The following TMEM117 variants were observed in gnomAD, a reference collection of about 807,000 sequenced individuals.
The protein encoded by TMEM117 is transmembrane protein 117.
Under a neutral mutation model 52.4 loss-of-function variants are expected in TMEM117, and 27 were observed. The observed-to-expected ratio is 0.51, with a 90% CI of 0.38 to 0.71. TMEM117 has a LOEUF of 0.71. Ranked by LOEUF, TMEM117 falls within the 30% of genes least tolerant of loss-of-function variation. TMEM117 has a pLI of 0.00. For missense variants in TMEM117, 556 were observed against 630.5 expected, an observed-to-expected ratio of 0.88 and a Z score of 1.26; for synonymous variants, 215 against 206.3, an observed-to-expected ratio of 1.04 and a Z score of -0.36.
intron 6 of TMEM117, among the ~76,000 whole-genome samples, chr12:44,347,646 G>A (rs55986964): frequency 0.052 from 7,922 of 152,024 alleles, 671 homozygotes; most frequent in African/African-American, 0.18. Context: ...CAGTGCAGCT[G>A]TCCCTTCTCT....
At chr12:44,096,618 A>G (rs1279538489) in intron 3 of TMEM117, among the ~76,000 whole-genome samples, 5 of 151,590 alleles carry the variant, frequency 3.3e-5, no homozygotes, top group African/African-American at 1.2e-4. Flanking sequence ...TGGGGAAAGG[A>G]TTCCCTATTT....
intron 3 of TMEM117, among the ~76,000 whole-genome samples, chr12:44,116,069 A>G (rs1948137404): frequency 1.3e-5 from 2 of 152,124 alleles, no homozygotes; most frequent in East Asian, 3.9e-4. Context: ...CTTCTCAATC[A>G]CTGAAAATAT....
chr12:44,370,999 C>T (rs1023401578), intron 6 of TMEM117, among the ~76,000 whole-genome samples: 4 of 152,012 alleles, frequency 2.6e-5, no homozygotes, highest in African/African-American at 9.7e-5. Flanking sequence ...TCAAGGTTTC[C>T]AAGGATTTAT....
intron 3 of TMEM117, among the ~76,000 whole-genome samples, chr12:44,086,792 C>T (rs1947575371): frequency 6.6e-6 from 1 of 152,012 alleles, no homozygotes; most frequent in African/African-American, 2.4e-5. Flanking sequence ...AATGCATGAG[C>T]ATAGTACATG....
chr12:44,348,278 AAAG>A (rs1167128658), intron 6 of TMEM117, among the ~76,000 whole-genome samples: 1 of 151,914 alleles, frequency 6.6e-6, no homozygotes, highest in Non-Finnish European at 1.5e-5. Context: ...GAAAAAAAAA[AAAG>A]AGAGAGCTAT....
rs115300592 is a variant in TMEM117, at chr12:43,916,721, C to T, written c.278-27489C>T. On this transcript the variant is annotated intron_variant, in intron 2 of 7. Transcript: ENST00000266534. ...AACTGATGAGTCCTGATGGTGTTCT[C>T]TCTTCAGTTACTGGGACTAAAAAAT... Among the ~76,000 whole-genome samples the T allele has an allele frequency of 7.0e-3, 1,060 of 152,282 alleles. 9 individuals are homozygous for T. The highest frequency in any genetic ancestry group is 0.023 in the African/African-American group (956 of 41,550).
chr12:44,381,379 C>T (rs1044490516), intron 7 of TMEM117, among the ~76,000 whole-genome samples: 7 of 152,088 alleles, frequency 4.6e-5, no homozygotes, highest in African/African-American at 9.7e-5. Context: ...ATTGAAAATG[C>T]GATGTACTAA....
At chr12:43,916,591 T>C (rs1262569175) in intron 2 of TMEM117, among the ~76,000 whole-genome samples, 1 of 152,236 alleles carries the variant, frequency 6.6e-6, no homozygotes, top group Non-Finnish European at 1.5e-5. Flanking sequence ...TTTATTTTAC[T>C]ACTTATATCA....
At chr12:44,156,774 A>G (rs1238084377) in intron 4 of TMEM117, among the ~76,000 whole-genome samples, 1 of 152,044 alleles carries the variant, frequency 6.6e-6, no homozygotes, top group Admixed American at 6.6e-5. Context: ...GGTAAGATGG[A>G]TATGAAGAGG....
At chr12:44,320,681 C>G (rs1300437560) in intron 6 of TMEM117, among the ~76,000 whole-genome samples, 1 of 152,226 alleles carries the variant, frequency 6.6e-6, no homozygotes, top group African/African-American at 2.4e-5. Context: ...CTCAGCCATC[C>G]AACCCTCAGC....
intron 3 of TMEM117, among the ~76,000 whole-genome samples, chr12:44,056,692 C>T (rs994146729): frequency 3.3e-5 from 5 of 152,146 alleles, no homozygotes; most frequent in African/African-American, 9.7e-5. Flanking sequence ...GCCCATTACA[C>T]CTGATAACAA....
chr12:44,356,060 G>T lies in TMEM117; in HGVS notation c.769-20535G>T, dbSNP rs145330784. ...GGCAGATGCCACATGGTAAAAGAGA[G>T]AACTGGGTTTATGTGCAATTGTGAG... On this transcript the variant is annotated intron_variant, in intron 6 of 7. Transcript: ENST00000266534. Among the ~76,000 whole-genome samples the T allele has an allele frequency of 6.6e-5, 10 of 152,186 alleles. No homozygotes were observed. In the East Asian group the frequency reaches 1.9e-3, roughly 29 times the overall value.
At chr12:44,054,212 A>G (rs1385619309) in intron 3 of TMEM117, among the ~76,000 whole-genome samples, 1 of 152,178 alleles carries the variant, frequency 6.6e-6, no homozygotes, top group Non-Finnish European at 1.5e-5. Flanking sequence ...CTATTTTGGA[A>G]GGTTTGTACT....
intron 2 of TMEM117, among the ~76,000 whole-genome samples, chr12:43,892,342 T>C (rs1394922329): frequency 6.6e-6 from 1 of 152,194 alleles, no homozygotes; most frequent in Non-Finnish European, 1.5e-5. Context: ...TAGAGACTCA[T>C]TGGCCAGGGT....
chr12:43,820,575 A>G, the TMEM117 span, among the ~76,000 whole-genome samples: 1 of 142,236 alleles, frequency 7.0e-6, no homozygotes, highest in Admixed American at 7.0e-5. Flanking sequence ...GCCTGGCCAC[A>G]GGCGTATTTT....
At chr12:43,972,650 T>G (rs1448412233) in intron 3 of TMEM117, among the ~76,000 whole-genome samples, 1 of 152,184 alleles carries the variant, frequency 6.6e-6, no homozygotes, top group Non-Finnish European at 1.5e-5. Flanking sequence ...TTTACAAACC[T>G]CTAGGTAGCC....
intron 4 of TMEM117, among the ~76,000 whole-genome samples, chr12:44,165,800 A>C (rs1389441087): frequency 6.6e-6 from 1 of 152,248 alleles, no homozygotes; most frequent in Non-Finnish European, 1.5e-5. Context: ...CCCCACTCTC[A>C]GCATTGGACA....
chr12:43,829,056 G>A, the TMEM117 span, among the ~76,000 whole-genome samples: 3 of 152,170 alleles, frequency 2.0e-5, no homozygotes, highest in African/African-American at 7.2e-5. Context: ...TAAGTAGCTG[G>A]GACTATAAGG....
chr12:44,010,604 T>C (rs190062667), intron 3 of TMEM117, among the ~76,000 whole-genome samples: 12 of 152,308 alleles, frequency 7.9e-5, no homozygotes, highest in African/African-American at 2.9e-4. Context: ...CCTTTTGTGG[T>C]TTAAATTATT....
Sources: gnomAD v4.1 joint callset for allele counts (sites outside exome capture counted in the v4.1 genomes callset) on GRCh38, gnomAD v4.1.1 for gene constraint, MANE v1.5 for transcripts, NCBI Gene and HGNC (gene_info 2026-07-23, HGNC 2026-07-21) for gene names.